The following MCTP2 variants were observed in gnomAD, a reference collection of about 807,000 sequenced individuals.
The protein encoded by MCTP2 is multiple C2 and transmembrane domain-containing protein 2.
MCTP2 carries 132 observed loss-of-function variants against 111.6 expected under a neutral mutation model. The observed-to-expected ratio is 1.18, with a 90% CI of 1.03 to 1.37. The LOEUF is 1.37. Ranked by LOEUF, MCTP2 falls within the 40% of genes most tolerant of loss-of-function variation. The probability of loss-of-function intolerance (pLI) is 0.00; values close to 1 mark genes in which losing one functional copy is unlikely to be tolerated. For missense variants in MCTP2, 1,183 were observed against 1,067.9 expected (o/e 1.11, Z -1.50); for synonymous variants, 395 against 387.7 (o/e 1.02, Z -0.22).
At position 94,301,853 on chromosome 15, in the gene MCTP2, CAAAG is replaced by C. The variant is rs1443659564; in HGVS notation, c.465+3124_465+3127del. On this transcript the variant is annotated intron_variant, in intron 2 of 22. Transcript: ENST00000357742. ...TTCTGCTTTTTTTTTTTTTTTTAAA[CAAAG>C]GGAATTCCTGCAGAATTCATGTCAC... 2.3e-5 allele frequency among the ~76,000 whole-genome samples: 3 copies of C among 128,612 alleles called. No homozygotes were observed. In the East Asian group the frequency reaches 6.8e-4, roughly 29 times the overall value. The allele number at this position is 128,612 out of a possible 152,430, so 84.4% of individuals were successfully genotyped here.
intron 20 of MCTP2, among the ~76,000 whole-genome samples, chr15:94,468,711 T>A (rs2152538580): frequency 6.6e-6 from 1 of 152,284 alleles, no homozygotes; most frequent in South Asian, 2.1e-4. Flanking sequence ...CTCGGCTCAA[T>A]GCAACCTCCA....
rs148917094 is a variant in MCTP2, at chr15:94,361,979, G to A, written c.1301+3367G>A. 5.8e-3 allele frequency among the ~76,000 whole-genome samples: 886 copies of A among 152,234 alleles called. 5 individuals carry two copies. The highest frequency in any genetic ancestry group is 8.3e-3 in the Non-Finnish European group (564 of 68,008). ...CCTCCAGGCTCTCCTGAGTCATGTG[G>A]AACTTGCTGACTTCCCCTTTTTCCA... On this transcript the variant is annotated intron_variant, in intron 10 of 22. Transcript: ENST00000357742.
intron 19 of MCTP2, 81 bp downstream of exon 19, chr15:94,443,041 TC>T: frequency 1.1e-5 from 10 of 945,622 alleles, no homozygotes; most frequent in Admixed American, 3.0e-5. Context: ...TGAGTCTCTC[TC>T]CTCTCTTTTT....
intron 17 of MCTP2, among the ~76,000 whole-genome samples, chr15:94,411,584 G>A (rs1440646652): frequency 6.6e-6 from 1 of 152,092 alleles, no homozygotes; most frequent in East Asian, 1.9e-4. Flanking sequence ...TCTGGTCAGG[G>A]TTTACTACAG....
chr15:94,469,159 A>G (rs2073687160), intron 20 of MCTP2, among the ~76,000 whole-genome samples: 1 of 152,080 alleles, frequency 6.6e-6, no homozygotes, highest in African/African-American at 2.4e-5. Flanking sequence ...CCCGTCTCCC[A>G]TAAAAAACAT....
chr15:94,428,565 T>G (rs1244091507), intron 17 of MCTP2, among the ~76,000 whole-genome samples: 1 of 152,128 alleles, frequency 6.6e-6, no homozygotes, highest in Non-Finnish European at 1.5e-5. Flanking sequence ...TCCTCAGGCA[T>G]TTTTTCTTTA....
At chr15:94,244,337 C>T (rs111208062) in intron 1 of MCTP2, among the ~76,000 whole-genome samples, 3,378 of 147,492 alleles carry the variant, frequency 0.023, 116 homozygotes, top group African/African-American at 0.08. Context: ...TGTATATATA[C>T]ACGTATACGT....
intron 1 of MCTP2, among the ~76,000 whole-genome samples, chr15:94,293,642 C>CCTTGAAACAGTCTGAAGA (rs2075129341): frequency 6.6e-6 from 1 of 152,202 alleles, no homozygotes; most frequent in African/African-American, 2.4e-5. Context: ...AGCAGTAGCT[C>CCTTGAAACAGTCTGAAGA]ATACACATAC....
intron 2 of MCTP2, among the ~76,000 whole-genome samples, chr15:94,307,296 A>G (rs1055484149): frequency 6.6e-6 from 1 of 152,184 alleles, no homozygotes; most frequent in African/African-American, 2.4e-5. Context: ...ATCATTTTGT[A>G]CAGAGTGGTC....
chr15:94,312,116 G>T (rs1463664654), intron 2 of MCTP2, among the ~76,000 whole-genome samples: 1 of 152,162 alleles, frequency 6.6e-6, no homozygotes, highest in Non-Finnish European at 1.5e-5. Flanking sequence ...GGAGACCATA[G>T]CATGTGATTT....
rs973125674 is a variant in MCTP2 at position 94,479,158 on chromosome 15, A to G, written c.*124A>G. ...ATGCATGCCCTGTGGCACCCTCTGT[A>G]TACTTCCTCCTCCTTCACGTGCACA... is the stretch of plus-strand genomic sequence containing the variant. On this transcript the variant is annotated 3_prime_UTR_variant, in exon 23 of 23. Transcript: ENST00000357742. The G allele has an allele frequency of 1.4e-5, 12 of 872,780 alleles. No individual in the cohort carries two copies. Among genetic ancestry groups the G allele is most frequent in the South Asian group, 2.8e-5 (2 of 70,828 alleles). The allele number at this position is 872,780 out of a possible 1,614,324, so 54.1% of individuals were successfully genotyped here. A position where few individuals can be genotyped will look rare whatever the true frequency, so the allele number is the denominator to read the frequency against.
intron 8 of MCTP2, among the ~76,000 whole-genome samples, chr15:94,348,702 T>C (rs369502501): frequency 2.0e-5 from 3 of 151,550 alleles, no homozygotes; most frequent in African/African-American, 7.3e-5. Context: ...GCCCAGGAAG[T>C]AGTACAAGTA....
At position 94,366,053 on chromosome 15, in the gene MCTP2, G is replaced by C. The variant is rs376911305; in HGVS notation, c.1302-1552G>C. On this transcript the variant is annotated intron_variant, in intron 10 of 22. Coordinates refer to ENST00000357742, the MANE Select transcript of MCTP2 (RefSeq NM_001385001.1). ...GGACCTACTTTTCTAGAAATAAATG[G>C]TTTAAGGCAATAGACATTTCTTTCT... is the stretch of plus-strand genomic sequence containing the variant. 2.6e-5 allele frequency among the ~76,000 whole-genome samples: 4 copies of C among 152,130 alleles called. No individual in the cohort carries two copies. The South Asian group carries it at 6.2e-4, about 24-fold the overall frequency.
At chr15:94,305,033 C>T (rs1023300593) in intron 2 of MCTP2, among the ~76,000 whole-genome samples, 6 of 152,056 alleles carry the variant, frequency 3.9e-5, no homozygotes, top group African/African-American at 1.2e-4. Flanking sequence ...TGGGTGCTGA[C>T]GGATAAAGAG....
chr15:94,298,205 C>G lies in MCTP2; in HGVS notation c.-61C>G. The G allele has an allele frequency of 8.2e-7, 1 of 1,221,462 alleles. No homozygotes were observed. Among genetic ancestry groups the G allele is most frequent in the Non-Finnish European group, 1.1e-6 (1 of 893,820 alleles). The allele number at this position is 1,221,462 out of a possible 1,614,324, so 75.7% of individuals were successfully genotyped here. A position where few individuals can be genotyped will look rare whatever the true frequency, so the allele number is the denominator to read the frequency against. On this transcript the variant is annotated 5_prime_UTR_variant, in exon 2 of 23. Transcript: ENST00000357742. ...TTGTTTTTTTCTGTTTTATAGGAGT[C>G]ATTGCAGTTTTCAGTAGAGGTGTAC...
At chr15:94,245,258 A>G (rs1398508322) in intron 1 of MCTP2, among the ~76,000 whole-genome samples, 6 of 143,020 alleles carry the variant, frequency 4.2e-5, no homozygotes, top group Admixed American at 7.0e-5. Flanking sequence ...ATATGTATAT[A>G]TACATATGTG....
At chr15:94,405,677 T>A (rs996442436) in intron 17 of MCTP2, among the ~76,000 whole-genome samples, 2 of 152,224 alleles carry the variant, frequency 1.3e-5, no homozygotes, top group Admixed American at 1.3e-4. Context: ...TTTATTGTTA[T>A]CATAAGAAAT....
intron 2 of MCTP2, among the ~76,000 whole-genome samples, chr15:94,299,386 A>G (rs2075487268): frequency 6.6e-6 from 1 of 152,062 alleles, no homozygotes; most frequent in Admixed American, 6.6e-5. Flanking sequence ...CATGCATATT[A>G]TTACTCCTAA....
chr15:94,251,550 G>A (rs2152268216), intron 1 of MCTP2, among the ~76,000 whole-genome samples: 1 of 151,936 alleles, frequency 6.6e-6, no homozygotes, highest in East Asian at 1.9e-4. Context: ...GTAGAGACGG[G>A]GTTTCTCCAT....
Sources: allele counts gnomAD v4.1 joint callset (sites outside exome capture counted in the v4.1 genomes callset), GRCh38; gene constraint gnomAD v4.1.1; transcripts MANE v1.5; gene names NCBI Gene and HGNC (gene_info 2026-07-23, HGNC 2026-07-21).